IGSF11: variants seen among roughly 807,000 people sequenced by gnomAD.
IGSF11 encodes the protein CXADR like 1.
In IGSF11, 22 loss-of-function variants were observed where a neutral mutation model predicts 41.0. The ratio of observed to expected loss-of-function variants is 0.54; its 90% CI spans 0.38 to 0.77. The LOEUF is 0.77. Among genes scored for constraint, IGSF11 ranks in the 30% least tolerant of loss-of-function variants. IGSF11 has a pLI of 0.00. For missense variants in IGSF11, 444 were observed against 530.8 expected (o/e 0.84, Z 1.61); for synonymous variants, 219 against 201.3 (o/e 1.09, Z -0.74).
At chr3:118,944,237 T>C (rs1943940078) in intron 1 of IGSF11, among the ~76,000 whole-genome samples, 1 of 152,202 alleles carries the variant, frequency 6.6e-6, no homozygotes, top group East Asian at 1.9e-4. Flanking sequence ...TCTTGAAGTC[T>C]AGGAATAGAG....
chr3:119,027,363 T>C (rs981408763), intron 1 of IGSF11, among the ~76,000 whole-genome samples: 2 of 152,148 alleles, frequency 1.3e-5, no homozygotes, highest in Non-Finnish European at 2.9e-5. Context: ...AAATACTATA[T>C]ATCAGTGTGA....
rs763112286 is a variant in IGSF11 at position 118,938,007 on chromosome 3, A to ATC, written c.53-7734_53-7733dup. Among the ~76,000 whole-genome samples the ATC allele has an allele frequency of 1.5e-4, 23 of 150,778 alleles. No homozygotes were observed. The East Asian group carries it at 2.9e-3, about 19-fold the overall frequency. On this transcript the variant is annotated intron_variant, in intron 1 of 6. Coordinates refer to ENST00000393775, the MANE Select transcript of IGSF11 (RefSeq NM_001015887.3). ...TCCTCTTTGTCACTTTCCAAAAGATATCTCTCTCTCTCTCTCATATATATA... is the reference window on the plus strand; with the variant it reads ...TCCTCTTTGTCACTTTCCAAAAGATATCTCTCTCTCTCTCTCTCATATATATA...
At chr3:119,145,176 T>G (rs1208551445) in intron 1 of IGSF11, among the ~76,000 whole-genome samples, 2 of 152,220 alleles carry the variant, frequency 1.3e-5, no homozygotes, top group Non-Finnish European at 2.9e-5. Context: ...TGAATTTGGA[T>G]TTTAAGTCTC....
intron 4 of IGSF11, among the ~76,000 whole-genome samples, chr3:118,911,247 C>A (rs892761430): frequency 2.0e-5 from 3 of 150,262 alleles, no homozygotes; most frequent in African/African-American, 7.5e-5. Context: ...TGCTTCATGT[C>A]AGAGGGCAAA....
At chr3:118,914,422 G>A (rs917813063) in intron 4 of IGSF11, among the ~76,000 whole-genome samples, 1 of 151,550 alleles carries the variant, frequency 6.6e-6, no homozygotes, top group Non-Finnish European at 1.5e-5. Context: ...GCCGAAGCAG[G>A]GCGAGGCATT....
intron 1 of IGSF11, among the ~76,000 whole-genome samples, chr3:119,144,846 C>T (rs767308623): frequency 2.0e-4 from 30 of 151,980 alleles, no homozygotes; most frequent in South Asian, 6.2e-4. Flanking sequence ...TTTTTCTTTA[C>T]GCTTTCTTTT....
intron 1 of IGSF11, among the ~76,000 whole-genome samples, chr3:118,992,510 G>A (rs1935887658): frequency 6.6e-6 from 1 of 152,154 alleles, no homozygotes; most frequent in African/African-American, 2.4e-5. Flanking sequence ...ACAGATTCTT[G>A]CAAATATCTC....
At chr3:119,137,766 T>C (rs1380693577) in intron 1 of IGSF11, among the ~76,000 whole-genome samples, 1 of 151,784 alleles carries the variant, frequency 6.6e-6, no homozygotes, top group Non-Finnish European at 1.5e-5. Flanking sequence ...ATGAAGTGAA[T>C]AGACAACCCA....
At chr3:118,998,501 C>T (rs956580292) in intron 1 of IGSF11, among the ~76,000 whole-genome samples, 4 of 151,174 alleles carry the variant, frequency 2.6e-5, no homozygotes, top group East Asian at 1.9e-4. Context: ...AAAATGAAAA[C>T]GCAGCAAACA....
chr3:118,931,637 C>G (rs978358303), intron 1 of IGSF11, among the ~76,000 whole-genome samples: 2 of 151,970 alleles, frequency 1.3e-5, no homozygotes, highest in Non-Finnish European at 2.9e-5. Context: ...CGGGGATACA[C>G]AGGCATAGGG....
At chr3:118,913,596 A>T (rs1940631816) in intron 4 of IGSF11, among the ~76,000 whole-genome samples, 1 of 151,840 alleles carries the variant, frequency 6.6e-6, no homozygotes, top group African/African-American at 2.4e-5. Context: ...TATTTTCAGA[A>T]AAACAAACAT....
At chr3:118,904,548 A>G (rs1939339764) in intron 6 of IGSF11, 100 bp downstream of exon 6, 2 of 858,176 alleles carry the variant, frequency 2.3e-6, no homozygotes, top group Non-Finnish European at 3.7e-6. Context: ...AGTCTCGGCC[A>G]TCAGAGTTTT....
In IGSF11 at chr3:118,964,474, T is replaced by C. The variant is rs79672376; in HGVS notation, c.53-34199A>G. Among the ~76,000 whole-genome samples the C allele has an allele frequency of 1.2e-3, 185 of 152,150 alleles. 2 individuals are homozygous for C. Among genetic ancestry groups the C allele is most frequent in the African/African-American group, 4.4e-3 (183 of 41,528 alleles). Reference sequence around the variant, plus strand: ...AAGAAGAGGGTCTGAAAACACTAGCTTAAGGTAAGTACACACTTTACAGCA... The same window carrying C: ...AAGAAGAGGGTCTGAAAACACTAGCCTAAGGTAAGTACACACTTTACAGCA... On this transcript the variant is annotated intron_variant, in intron 1 of 6. Transcript: ENST00000393775.
Position 118,902,006 on chromosome 3 carries a change from A to AG in IGSF11, c.*513dup, listed in dbSNP as rs1224995013. ...ATGTAAAAAGTTTTGATTATATGATAGAAGAGTCAGCCCTGTTGGGACCAA... is the reference window on the plus strand; with the variant it reads ...ATGTAAAAAGTTTTGATTATATGATAGGAAGAGTCAGCCCTGTTGGGACCAA... On this transcript the variant is annotated 3_prime_UTR_variant, in exon 7 of 7. Transcript: ENST00000393775. 1 of 152,418 alleles carries AG rather than the reference A, an allele frequency of 6.6e-6. No homozygotes were observed. Among genetic ancestry groups the AG allele is most frequent in the Non-Finnish European group, 1.5e-5 (1 of 68,210 alleles). 9.4% of individuals were successfully genotyped at this position (152,418 alleles called of 1,614,324 possible).
chr3:118,941,873 G>A (rs1943723762), intron 1 of IGSF11, among the ~76,000 whole-genome samples: 1 of 152,132 alleles, frequency 6.6e-6, no homozygotes, highest in South Asian at 2.1e-4. Context: ...GAAACAAATG[G>A]CTATATACTG....
chr3:119,072,823 C>A (rs2076422633), intron 1 of IGSF11, among the ~76,000 whole-genome samples: 1 of 152,164 alleles, frequency 6.6e-6, no homozygotes, highest in Non-Finnish European at 1.5e-5. Context: ...GGGACCCGAG[C>A]AGGTTGCCAC....
intron 1 of IGSF11, among the ~76,000 whole-genome samples, chr3:119,043,678 A>T (rs778503673): frequency 3.9e-5 from 6 of 152,246 alleles, no homozygotes; most frequent in Non-Finnish European, 5.9e-5. Flanking sequence ...CACCTCCACC[A>T]GAGCAGGTTC....
At chr3:118,999,851 C>T (rs542800894) in intron 1 of IGSF11, among the ~76,000 whole-genome samples, 2 of 151,914 alleles carry the variant, frequency 1.3e-5, no homozygotes, top group Non-Finnish European at 2.9e-5. Flanking sequence ...GTCTTGGGTC[C>T]AAAAAAGTTG....
At chr3:119,115,966 C>T (rs1186170891) in intron 1 of IGSF11, among the ~76,000 whole-genome samples, 1 of 152,208 alleles carries the variant, frequency 6.6e-6, no homozygotes, top group Admixed American at 6.5e-5. Flanking sequence ...TAAGGTCCTA[C>T]TTCTGAAATG....
Sources: gnomAD v4.1 joint callset for allele counts (sites outside exome capture counted in the v4.1 genomes callset) on GRCh38, gnomAD v4.1.1 for gene constraint, MANE v1.5 for transcripts, NCBI Gene and HGNC (gene_info 2026-07-23, HGNC 2026-07-21) for gene names.